The following CHD2 variants were observed in gnomAD, a reference collection of about 807,000 sequenced individuals.
CHD2 encodes ATP-dependent chromatin remodeler CHD2.
In CHD2, 28 loss-of-function variants were observed where a neutral mutation model predicts 243.9. The observed-to-expected ratio is 0.11, with a 90% confidence interval of 0.09 to 0.16. The LOEUF is 0.16. Among genes scored for constraint, CHD2 ranks in the 10% least tolerant of loss-of-function variants. The pLI is 1.00. For synonymous variants in CHD2, 775 were observed against 779.0 expected (o/e 0.99, Z 0.09); for missense variants, 1,386 against 2,209.8 (o/e 0.63, Z 7.47).
intron 34 of CHD2, among the ~76,000 whole-genome samples, chr15:93,006,124 C>CTT (rs55820002): frequency 0.01 from 1,277 of 125,198 alleles, 26 homozygotes; most frequent in Non-Finnish European, 0.012. Flanking sequence ...CTCTCTCTCT[C>CTT]TTTTTTTTTT....
intron 20 of CHD2, among the ~76,000 whole-genome samples, chr15:92,975,374 C>T (rs1392419399): frequency 6.6e-6 from 1 of 152,186 alleles, no homozygotes; most frequent in Non-Finnish European, 1.5e-5. Context: ...TGTTCTTGCT[C>T]TCGCTAACAG....
rs756324303 is a variant in CHD2 at position 93,024,588 on chromosome 15, C to T, written c.5370C>T (p.Pro1790=). The change falls in exon 39 of 39, where the codon CCC becomes CCT. Residue 1790 remains proline (P), a synonymous_variant. Coordinates refer to ENST00000394196, the MANE Select transcript of CHD2 (RefSeq NM_001271.4). ...LHPAVSDPRS[P]PSQKSPHDSK... is the part of the protein sequence containing the mutation. ...CTGCAGTCTCAGATCCTCGCTCACC[C>T]CCTTCTCAGAAATCTCCTCACGATT... The T allele has an allele frequency of 1.5e-5, 25 of 1,614,074 alleles. No homozygotes were observed. The highest frequency in any genetic ancestry group is 1.9e-5 in the Non-Finnish European group (22 of 1,180,034).
At chr15:92,970,458 C>A (rs1303708886) in intron 17 of CHD2, among the ~76,000 whole-genome samples, 1 of 152,172 alleles carries the variant, frequency 6.6e-6, no homozygotes, top group South Asian at 2.1e-4. Flanking sequence ...CCTTCGGCCT[C>A]CCAAAGTGCT....
intron 28 of CHD2, among the ~76,000 whole-genome samples, chr15:92,993,636 A>G (rs2141862656): frequency 6.6e-6 from 1 of 152,332 alleles, no homozygotes; most frequent in Non-Finnish European, 1.5e-5. Context: ...ACACCCTCAT[A>G]GTGAACTTTA....
In CHD2 at chr15:92,956,602, T is replaced by C; in HGVS notation, c.1953T>C (p.Asn651=). The change falls in exon 16 of 39, where the codon AAT becomes AAC. Residue 651 remains asparagine (N), a synonymous_variant. Transcript: ENST00000394196. ...RLLITGTPLQ[N]SLKELWSLLH... ...TGATTACGGGGACCCCTCTTCAGAA[T>C]TCCCTCAAAGAGCTCTGGTCCTTGC... 6.2e-7 allele frequency: 1 copy of C among 1,614,004 alleles called. No individual in the cohort carries two copies. Among genetic ancestry groups the C allele is most frequent in the Non-Finnish European group, 8.5e-7 (1 of 1,179,912 alleles).
At chr15:92,946,945 A>G (rs1180003959) in intron 12 of CHD2, 1 of 152,096 alleles carries the variant, frequency 6.6e-6, no homozygotes, top group East Asian at 1.9e-4. Flanking sequence ...AAAAAAAAAA[A>G]AATAGAGAGC....
chr15:92,985,745 T>G, intron 26 of CHD2, 72 bp downstream of exon 26: 2 of 1,471,140 alleles, frequency 1.4e-6, no homozygotes, highest in Non-Finnish European at 1.8e-6. Context: ...GACTGGATCC[T>G]GGACATCGTG....
chr15:92,906,900 G>A (rs1411192314), intron 2 of CHD2, among the ~76,000 whole-genome samples: 1 of 152,040 alleles, frequency 6.6e-6, no homozygotes, highest in Non-Finnish European at 1.5e-5. Flanking sequence ...TTGACTAAGC[G>A]TTGAGTTCAC....
At chr15:92,906,714 G>A (rs1389998235) in intron 2 of CHD2, among the ~76,000 whole-genome samples, 1 of 138,770 alleles carries the variant, frequency 7.2e-6, no homozygotes, top group East Asian at 2.0e-4. Flanking sequence ...CTGCTTCTTG[G>A]TAACCTTAGA....
At chr15:92,936,328 A>T (rs1055886983) in intron 5 of CHD2, among the ~76,000 whole-genome samples, 11 of 152,212 alleles carry the variant, frequency 7.2e-5, no homozygotes, top group African/African-American at 2.7e-4. Flanking sequence ...CTCATTCCCT[A>T]TAAAGTGACC....
At chr15:92,996,344 T>C (rs1285421946) in intron 28 of CHD2, among the ~76,000 whole-genome samples, 1 of 151,884 alleles carries the variant, frequency 6.6e-6, no homozygotes, top group Non-Finnish European at 1.5e-5. Flanking sequence ...GTATTTTTAG[T>C]AGAGAAGGGG....
In CHD2 at chr15:93,024,778, G is replaced by A. The variant is rs4778070; in HGVS notation, c.*73G>A. ...TTTTTGGTCTGATCCTACAGTAGCC[G>A]GTTATCTAGACCAGTAAGTGGAGTT... On this transcript the variant is annotated 3_prime_UTR_variant, in exon 39 of 39. Coordinates refer to ENST00000394196, the MANE Select transcript of CHD2 (RefSeq NM_001271.4). The A allele has an allele frequency of 0.015, 19,672 of 1,294,266 alleles. 174 individuals carry two copies. The highest frequency in any genetic ancestry group is 0.017 in the Non-Finnish European group (15,601 of 934,848). 80.2% of individuals were successfully genotyped at this position (1,294,266 alleles called of 1,614,324 possible). A position where few individuals can be genotyped will look rare whatever the true frequency, so the allele number is the denominator to read the frequency against.
intron 5 of CHD2, among the ~76,000 whole-genome samples, chr15:92,935,353 T>C (rs893921994): frequency 1.3e-5 from 2 of 152,116 alleles, no homozygotes; most frequent in African/African-American, 4.8e-5. Flanking sequence ...CATTCTTATA[T>C]TGGGAGATTC....
At chr15:92,915,612 C>A (rs973471179) in intron 2 of CHD2, among the ~76,000 whole-genome samples, 2 of 152,152 alleles carry the variant, frequency 1.3e-5, no homozygotes, top group Admixed American at 6.5e-5. Context: ...TAGCTAGGGT[C>A]ACTTTTATGA....
At position 92,989,251 on chromosome 15, in the gene CHD2, C is replaced by T. The variant is rs1254884066; in HGVS notation, c.3414-2225C>T. Among the ~76,000 whole-genome samples, 6 of 151,976 alleles carry T rather than the reference C, an allele frequency of 3.9e-5. No homozygotes were observed. The South Asian group carries it at 8.3e-4, about 21-fold the overall frequency. On this transcript the variant is annotated intron_variant, in intron 26 of 38. Transcript: ENST00000394196. ...TTCACCATGTTGGCCAGGCTGGTCT[C>T]GAACGCCTGACCTCAGGTGATCCAC...
chr15:93,007,704 C>T (rs1021708119), intron 34 of CHD2, among the ~76,000 whole-genome samples: 1 of 138,210 alleles, frequency 7.2e-6, no homozygotes, highest in East Asian at 2.7e-4. Flanking sequence ...TGGTAATTTT[C>T]TCTAAGTTCC....
intron 17 of CHD2, among the ~76,000 whole-genome samples, chr15:92,970,513 T>C (rs1440957779): frequency 1.3e-5 from 2 of 152,208 alleles, no homozygotes; most frequent in African/African-American, 4.8e-5. Flanking sequence ...ATAATTATTA[T>C]TATTTTTTAA....
chr15:92,931,798 G>T (rs568779046), intron 5 of CHD2, among the ~76,000 whole-genome samples: 126 of 151,528 alleles, frequency 8.3e-4, no homozygotes, highest in African/African-American at 3.0e-3. Flanking sequence ...TAAAAATAAG[G>T]ATTTTCTCTT....
chr15:92,967,018 A>G (rs889313688), intron 16 of CHD2, among the ~76,000 whole-genome samples: 1 of 151,984 alleles, frequency 6.6e-6, no homozygotes, highest in African/African-American at 2.4e-5. Flanking sequence ...CTGACGTTCC[A>G]TCTTACCAGA....
Sources: allele counts gnomAD v4.1 joint callset (sites outside exome capture counted in the v4.1 genomes callset), GRCh38; gene constraint gnomAD v4.1.1; transcripts MANE v1.5; gene names NCBI Gene and HGNC (gene_info 2026-07-23, HGNC 2026-07-21).